MTAP: variants seen among roughly 807,000 people sequenced by gnomAD.
The protein encoded by MTAP is S-methyl-5'-thioadenosine phosphorylase.
Under a neutral mutation model 33.6 loss-of-function variants are expected in MTAP, and 33 were observed. The ratio of observed to expected loss-of-function variants is 0.98; its 90% CI spans 0.74 to 1.31. The LOEUF (loss-of-function observed/expected upper bound fraction) is 1.31, where lower values mean the gene tolerates loss of function less well. Among genes scored for constraint, MTAP ranks in the 40% most tolerant of loss-of-function variants. The pLI is 0.00. For synonymous variants in MTAP, 148 were observed against 125.7 expected (o/e 1.18, Z -1.19); for missense variants, 367 against 360.0 (o/e 1.02, Z -0.16).
At chr9:21,817,089 A>G (rs1250649932) in intron 3 of MTAP, among the ~76,000 whole-genome samples, 4 of 152,194 alleles carry the variant, frequency 2.6e-5, no homozygotes, top group Admixed American at 2.0e-4. Flanking sequence ...AAGAAAAACA[A>G]TGCATCATTA....
At chr9:21,837,146 T>A (rs1023774725) in intron 4 of MTAP, among the ~76,000 whole-genome samples, 1 of 63,512 alleles carries the variant, frequency 1.6e-5, no homozygotes, top group Non-Finnish European at 4.2e-5. Flanking sequence ...TTCAAAACTG[T>A]TTTGTCAGAA....
exon 8 of MTAP, chr9:21,937,244 C>G (rs1256523786): frequency 6.6e-6 from 1 of 151,882 alleles, no homozygotes; most frequent in Non-Finnish European, 1.5e-5. Flanking sequence ...GAGGCTGAGG[C>G]AGGAGAATCG....
intron 4 of MTAP, among the ~76,000 whole-genome samples, chr9:21,824,564 A>T (rs1039140446): frequency 1.3e-5 from 2 of 152,326 alleles, no homozygotes; most frequent in African/African-American, 4.8e-5. Flanking sequence ...CCACCTGAGG[A>T]GGCAGTCTGT....
chr9:21,803,102 G>A (rs1305091159), intron 1 of MTAP: 6 of 550,214 alleles, frequency 1.1e-5, no homozygotes, highest in African/African-American at 2.0e-5. Flanking sequence ...GAGAGAGGTC[G>A]TGGATGGGAG....
intron 1 of MTAP, among the ~76,000 whole-genome samples, chr9:21,882,218 A>T (rs2118704124): frequency 6.6e-6 from 1 of 152,108 alleles, no homozygotes; most frequent in African/African-American, 2.4e-5. Context: ...CTTAAACACA[A>T]GACGAACAAC....
chr9:21,811,650 A>G (rs1396446867), intron 1 of MTAP: 2 of 522,310 alleles, frequency 3.8e-6, no homozygotes, highest in African/African-American at 1.9e-5. Context: ...GCTCACTCAA[A>G]CTCTTCCTCC....
At chr9:21,851,466 A>G (rs1825510649) in intron 5 of MTAP, among the ~76,000 whole-genome samples, 1 of 152,224 alleles carries the variant, frequency 6.6e-6, no homozygotes, top group Admixed American at 6.5e-5. Flanking sequence ...AGTATTGCTA[A>G]CTTTATGTAG....
At chr9:21,842,682 A>G (rs982133851) in intron 5 of MTAP, among the ~76,000 whole-genome samples, 2 of 152,210 alleles carry the variant, frequency 1.3e-5, no homozygotes, top group African/African-American at 2.4e-5. Flanking sequence ...TGAAGGAGAG[A>G]TAGTCTTTTT....
chr9:21,818,316 GCTTTT>G, intron 4 of MTAP, 114 bp downstream of exon 4: 2 of 235,112 alleles, frequency 8.5e-6, no homozygotes, highest in Non-Finnish European at 1.5e-5. Context: ...AGACTCGCTT[GCTTTT>G]TTTTTTTTTT....
chr9:21,849,904 T>C (rs1825471275), intron 5 of MTAP, among the ~76,000 whole-genome samples: 1 of 152,254 alleles, frequency 6.6e-6, no homozygotes, highest in Admixed American at 6.5e-5. Flanking sequence ...AGCCATTGAC[T>C]TGGAAAATGC....
intron 5 of MTAP, among the ~76,000 whole-genome samples, chr9:21,846,219 C>G (rs1825378252): frequency 6.6e-6 from 1 of 152,098 alleles, no homozygotes; most frequent in South Asian, 2.1e-4. Flanking sequence ...TCATGATCAA[C>G]AACCCAAAAG....
At chr9:21,930,972 T>C (rs768050811) in intron 1 of MTAP, 3 of 742,170 alleles carry the variant, frequency 4.0e-6, no homozygotes, top group African/African-American at 3.4e-5. Context: ...TTCAAAAATC[T>C]AATAACCCAA....
intron 1 of MTAP, among the ~76,000 whole-genome samples, chr9:21,884,805 T>C (rs1381575650): frequency 6.6e-6 from 1 of 152,154 alleles, no homozygotes; most frequent in Non-Finnish European, 1.5e-5. Context: ...ATATGAACTT[T>C]GGGGAGACAG....
chr9:21,916,895 C>G (rs1015756160), intron 1 of MTAP, among the ~76,000 whole-genome samples: 1 of 151,960 alleles, frequency 6.6e-6, no homozygotes, highest in Admixed American at 6.6e-5. Flanking sequence ...TACGGCAGCC[C>G]GAGGAAATGA....
chr9:21,819,013 C>G (rs1034685991), intron 4 of MTAP, among the ~76,000 whole-genome samples: 7 of 152,136 alleles, frequency 4.6e-5, no homozygotes, highest in Non-Finnish European at 8.8e-5. Flanking sequence ...CAGTATTTGT[C>G]TTTCCATGGC....
At chr9:21,853,013 A>G (rs1250994327) in intron 5 of MTAP, among the ~76,000 whole-genome samples, 3 of 152,136 alleles carry the variant, frequency 2.0e-5, no homozygotes, top group East Asian at 3.9e-4. Context: ...TTGACCCTGT[A>G]TTTGATATTT....
At chr9:21,812,236 A>G in intron 1 of MTAP, 1 of 226,640 alleles carries the variant, frequency 4.4e-6, no homozygotes, top group Non-Finnish European at 9.0e-6. Flanking sequence ...AAATGCAGAC[A>G]GATGGTGACC....
chr9:21,930,485 A>G (rs1445785871), intron 1 of MTAP: 2 of 226,582 alleles, frequency 8.8e-6, no homozygotes. Context: ...TGGGAATTCT[A>G]TCTTGCCCAG....
rs940828267 is a variant in MTAP, at chr9:21,818,057, A to T, written c.202A>T (p.Met68Leu). 1 of 1,613,116 alleles carries T rather than the reference A, an allele frequency of 6.2e-7. No individual in the cohort carries two copies. The highest frequency in any genetic ancestry group is 8.5e-7 in the Non-Finnish European group (1 of 1,179,688). Reference protein sequence around the residue: ...LARHGRQHTIMPSKVNYQANI... With the variant: ...LARHGRQHTILPSKVNYQANI... The stretch of plus-strand genomic sequence containing the variant: ...TAGGCATGGAAGGCAGCACACCATC[A>T]TGCCTTCAAAGGTCAACTACCAGGC... Residue 68 changes from methionine to leucine, a missense_variant, in exon 4 of 8, where the codon ATG (methionine) becomes TTG (leucine). Transcript: ENST00000644715.
Sources: gnomAD v4.1 joint callset for allele counts (sites outside exome capture counted in the v4.1 genomes callset) on GRCh38, gnomAD v4.1.1 for gene constraint, MANE v1.5 for transcripts, NCBI Gene and HGNC (gene_info 2026-07-23, HGNC 2026-07-21) for gene names.